BDP1: variants seen among roughly 807,000 people sequenced by gnomAD.
BDP1 encodes transcription factor TFIIIB component B'' homolog.
In BDP1, 169 loss-of-function variants were observed where a neutral mutation model predicts 266.6. The observed-to-expected ratio is 0.63, with a 90% confidence interval of 0.56 to 0.72. The LOEUF is 0.72. Among genes scored for constraint, BDP1 ranks in the 30% least tolerant of loss-of-function variants. BDP1 has a pLI of 0.00. For synonymous variants in BDP1, 1,090 were observed against 1,022.4 expected, an observed-to-expected ratio of 1.07 and a Z score of -1.26; for missense variants, 3,015 against 3,053.8, an observed-to-expected ratio of 0.99 and a Z score of 0.30.
At chr5:71,551,554 C>G (rs1296318283) in intron 34 of BDP1, among the ~76,000 whole-genome samples, 1 of 152,260 alleles carries the variant, frequency 6.6e-6, no homozygotes, top group Non-Finnish European at 1.5e-5. Context: ...TCAATCTTTT[C>G]CTCACCTTTC....
intron 33 of BDP1, 104 bp downstream of exon 33, chr5:71,548,849 C>A: frequency 1.2e-6 from 1 of 836,496 alleles, no homozygotes; most frequent in Non-Finnish European, 1.9e-6. Context: ...TTAGTCTATG[C>A]TGGCCTTAAA....
intron 25 of BDP1, among the ~76,000 whole-genome samples, chr5:71,526,662 T>G (rs1017103849): frequency 6.9e-5 from 8 of 115,566 alleles, no homozygotes; most frequent in Non-Finnish European, 1.1e-4. Flanking sequence ...ACATGTAACA[T>G]AAAATTTACT....
At chr5:71,543,600 G>GA (rs1767100678) in intron 30 of BDP1, among the ~76,000 whole-genome samples, 1 of 152,090 alleles carries the variant, frequency 6.6e-6, no homozygotes, top group South Asian at 2.1e-4. Context: ...ATAAAAGGAA[G>GA]AAAATTATAA....
At position 71,462,643 on chromosome 5, in the gene BDP1, A is replaced by G. The variant is rs77958768; in HGVS notation, c.599+717A>G. Among the ~76,000 whole-genome samples the G allele has an allele frequency of 1.9e-3, 282 of 152,026 alleles. 8 individuals are homozygous for G. The East Asian group carries it at 0.049, about 27-fold the overall frequency. ...GTGGCATGTGCCTGTAGTTCCAGCT[A>G]TTTGGGAGGCTGAGGCAGGAGGACT... On this transcript the variant is annotated intron_variant, in intron 3 of 38. Transcript: ENST00000358731.
chr5:71,538,933 C>A, intron 26 of BDP1, 109 bp from the exon 27 acceptor site: 1 of 726,470 alleles, frequency 1.4e-6, no homozygotes, highest in Non-Finnish European at 2.4e-6. Context: ...CCAGTTTACA[C>A]TATTGTAGCT....
At chr5:71,526,631 A>G (rs1580147811) in intron 25 of BDP1, among the ~76,000 whole-genome samples, 1 of 150,284 alleles carries the variant, frequency 6.7e-6, no homozygotes, top group East Asian at 1.9e-4. Flanking sequence ...AAAAAAAAAA[A>G]AAAAAGAAGA....
intron 2 of BDP1, among the ~76,000 whole-genome samples, chr5:71,460,396 A>G (rs1761475676): frequency 6.6e-6 from 1 of 152,182 alleles, no homozygotes; most frequent in South Asian, 2.1e-4. Flanking sequence ...AACCAACCAA[A>G]CAAAAAAACT....
intron 15 of BDP1, among the ~76,000 whole-genome samples, chr5:71,504,277 A>AT (rs1376432399): frequency 6.6e-6 from 1 of 151,572 alleles, no homozygotes; most frequent in Non-Finnish European, 1.5e-5. Context: ...CGTCTCAAAA[A>AT]AAAAAAAAAA....
chr5:71,526,505 A>G (rs1190897090), intron 25 of BDP1, among the ~76,000 whole-genome samples: 1 of 149,004 alleles, frequency 6.7e-6, no homozygotes, highest in East Asian at 2.1e-4. Flanking sequence ...AGTCCCAGCT[A>G]CTGGGGAAGC....
chr5:71,553,332 A>G lies in BDP1; in HGVS notation c.7200+12A>G, dbSNP rs745466599. On this transcript the variant is annotated intron_variant, in intron 35 of 38. Transcript: ENST00000358731. ...AATATACCACTGAGGTAAGTGGTAT[A>G]TTAAGTACCACTCAATATGGCCATT... 2 of 1,583,884 alleles carry G rather than the reference A, an allele frequency of 1.3e-6. No homozygotes were observed. The highest frequency in any genetic ancestry group is 1.7e-6 in the Non-Finnish European group (2 of 1,155,566).
chr5:71,578,274 C>T, the BDP1 span, among the ~76,000 whole-genome samples: 1 of 152,212 alleles, frequency 6.6e-6, no homozygotes, highest in Non-Finnish European at 1.5e-5. Flanking sequence ...TCCCCTGACC[C>T]TTCTTCCAAA....
At position 71,510,261 on chromosome 5, in the gene BDP1, C is replaced by T; in HGVS notation, c.3169C>T (p.Leu1057=). The T allele has an allele frequency of 1.2e-6, 2 of 1,610,704 alleles. No homozygotes were observed. The highest frequency in any genetic ancestry group is 1.7e-6 in the Non-Finnish European group (2 of 1,179,284). ...QENGLEEVKP[L]GEMETDLKAT... Reference sequence around the variant, plus strand: ...AAATGGACTAGAGGAGGTCAAGCCTCTAGGTGAAATGGAGACGGATTTGAA... The same window carrying T: ...AAATGGACTAGAGGAGGTCAAGCCTTTAGGTGAAATGGAGACGGATTTGAA... The change falls in exon 17 of 39, where the codon CTA becomes TTA. Residue 1057 remains leucine, a synonymous_variant. Transcript: ENST00000358731.
In BDP1 at chr5:71,530,110, C is replaced by A. The variant is rs761584835; in HGVS notation, c.5773-2198C>A. On this transcript the variant is annotated intron_variant, in intron 25 of 38. Coordinates refer to ENST00000358731, the MANE Select transcript of BDP1 (RefSeq NM_018429.3). ...AATAAACTGTATGATGCTTAAAAAA[C>A]CAACTTTTACTTTATAGAATATTCC... is the stretch of plus-strand genomic sequence containing the variant. 3.3e-5 allele frequency among the ~76,000 whole-genome samples: 5 copies of A among 152,304 alleles called. 1 individual carries two copies. Among genetic ancestry groups the A allele is most frequent in the African/African-American group, 1.2e-4 (5 of 41,568 alleles).
chr5:71,466,308 G>A (rs1322529453), intron 5 of BDP1, 87 bp downstream of exon 5: 3 of 1,449,756 alleles, frequency 2.1e-6, no homozygotes, highest in Non-Finnish European at 2.8e-6. Context: ...TTCTGTATTG[G>A]CCTTTGTCAC....
chr5:71,522,726 A>C, intron 23 of BDP1, 30 bp from the exon 24 acceptor site: 419 of 1,554,286 alleles, frequency 2.7e-4, no homozygotes, highest in Non-Finnish European at 3.4e-4. Context: ...TTTCTGTAGT[A>C]ATACTAGCTA....
chr5:71,507,388 C>G (rs565375430), intron 16 of BDP1, among the ~76,000 whole-genome samples: 76 of 152,086 alleles, frequency 5.0e-4, no homozygotes, highest in Non-Finnish European at 7.5e-4. Context: ...TCTTTTGTTA[C>G]TTAGAAACAA....
rs983485858 is a variant in BDP1, at chr5:71,467,252, A to G, written c.786-102A>G. 5.4e-6 allele frequency: 5 copies of G among 934,072 alleles called. No homozygotes were observed. In the African/African-American group the frequency reaches 8.3e-5, roughly 16 times the overall value. 57.9% of individuals were successfully genotyped at this position (934,072 alleles called of 1,614,324 possible). A position where few individuals can be genotyped will look rare whatever the true frequency, so the allele number is the denominator to read the frequency against. ...ACATAGGTATTATTATGCCTTTGATATGATTGCCATGCTAAACCTCAAAAT... is the reference window on the plus strand; with the variant it reads ...ACATAGGTATTATTATGCCTTTGATGTGATTGCCATGCTAAACCTCAAAAT... On this transcript the variant is annotated intron_variant, in intron 5 of 38. Transcript: ENST00000358731.
chr5:71,460,185 G>T (rs1474530995), intron 2 of BDP1, among the ~76,000 whole-genome samples: 1 of 152,184 alleles, frequency 6.6e-6, no homozygotes, highest in African/African-American at 2.4e-5. Flanking sequence ...TTCGAGACCA[G>T]CCTGGCCAAC....
chr5:71,522,723 AG>A, intron 23 of BDP1, 32 bp from the exon 24 acceptor site: 1 of 1,552,866 alleles, frequency 6.4e-7, no homozygotes, highest in Non-Finnish European at 8.7e-7. Flanking sequence ...TTGTTTCTGT[AG>A]TAATACTAGC....
Sources: allele counts gnomAD v4.1 joint callset (sites outside exome capture counted in the v4.1 genomes callset), GRCh38; gene constraint gnomAD v4.1.1; transcripts MANE v1.5; gene names NCBI Gene and HGNC (gene_info 2026-07-23, HGNC 2026-07-21).